COPZ1: variants seen among roughly 807,000 people sequenced by gnomAD.
The protein encoded by COPZ1 is coat protein complex I subunit zeta 1, also known as coatomer subunit zeta-1.
COPZ1 carries 4 observed loss-of-function variants against 31.7 expected under a neutral mutation model. That is an observed-to-expected ratio of 0.13 (90% CI 0.06 to 0.29). The LOEUF is 0.29. Among genes scored for constraint, COPZ1 ranks in the 10% least tolerant of loss-of-function variants. COPZ1 has a pLI of 1.00. For missense variants in COPZ1, 156 were observed against 211.5 expected, an observed-to-expected ratio of 0.74 and a Z score of 1.63; for synonymous variants, 74 against 79.0, an observed-to-expected ratio of 0.94 and a Z score of 0.33.
intron 4 of COPZ1, among the ~76,000 whole-genome samples, chr12:54,344,446 C>T (rs972991171): frequency 1.3e-5 from 2 of 151,992 alleles, no homozygotes; most frequent in Middle Eastern, 3.4e-3. Flanking sequence ...GGGCGTGGTG[C>T]GGGCACCTGT....
intron 8 of COPZ1, chr12:54,350,189 C>G: frequency 1.4e-6 from 1 of 690,560 alleles, no homozygotes; most frequent in Non-Finnish European, 2.6e-6. Flanking sequence ...GCCCCCTGCC[C>G]GCCGCCCCTT....
At chr12:54,346,712 C>T (rs1954071000) in intron 5 of COPZ1, 1 of 699,074 alleles carries the variant, frequency 1.4e-6, no homozygotes, top group Non-Finnish European at 2.6e-6. Flanking sequence ...AAAAATTAGC[C>T]AGGTGTGGTG....
intron 1 of COPZ1, among the ~76,000 whole-genome samples, chr12:54,338,515 A>G (rs1232322713): frequency 2.0e-5 from 3 of 152,250 alleles, no homozygotes; most frequent in South Asian, 4.1e-4. Flanking sequence ...CAGGATGGAC[A>G]TCTCTAAGGA....
At chr12:54,326,673 GTGTGT>G (rs1288321396) in intron 1 of COPZ1, among the ~76,000 whole-genome samples, 2 of 147,832 alleles carry the variant, frequency 1.4e-5, no homozygotes, top group African/African-American at 5.0e-5. Context: ...GTGTGTGTGT[GTGTGT>G]GTAGGTAGGT....
At chr12:54,332,059 C>T (rs1257834877) in intron 1 of COPZ1, among the ~76,000 whole-genome samples, 3 of 152,198 alleles carry the variant, frequency 2.0e-5, no homozygotes, top group African/African-American at 7.2e-5. Flanking sequence ...GGCGCGGTGG[C>T]TCACGCCTGT....
chr12:54,340,678 T>C lies in COPZ1; in HGVS notation c.87+63T>C, dbSNP rs1953958818. On this transcript the variant is annotated intron_variant, in intron 2 of 8. Transcript: ENST00000262061. ...AAGGTTTATTCTGAGATTTGAATCT[T>C]GGGACTGATACCTTATTAACTTATG... 4 of 1,501,110 alleles carry C rather than the reference T, an allele frequency of 2.7e-6. No individual in the cohort carries two copies. The African/African-American group carries it at 4.2e-5, about 16-fold the overall frequency. The allele number at this position is 1,501,110 out of a possible 1,614,324, so 93.0% of individuals were successfully genotyped here. A position where few individuals can be genotyped will look rare whatever the true frequency, so the allele number is the denominator to read the frequency against.
At chr12:54,346,209 G>A (rs985758026) in intron 5 of COPZ1, among the ~76,000 whole-genome samples, 1 of 151,540 alleles carries the variant, frequency 6.6e-6, no homozygotes, top group Non-Finnish European at 1.5e-5. Flanking sequence ...ATAAGGAAGT[G>A]TCCCAGATGA....
In COPZ1 at chr12:54,342,294, C is replaced by T. The variant is rs1953985270; in HGVS notation, c.169+7C>T. On this transcript the variant is annotated splice_region_variant and intron_variant, in intron 3 of 8. Coordinates refer to ENST00000262061, the MANE Select transcript of COPZ1 (RefSeq NM_016057.3). ...AAGACCCATCGGACTGACAGTAGGT[C>T]ATTTTCCTTTCACTACTACCCGTGC... 9.9e-6 allele frequency: 16 copies of T among 1,609,600 alleles called. No homozygotes were observed. The highest frequency in any genetic ancestry group is 2.2e-5 in the South Asian group (2 of 90,996).
At chr12:54,336,315 C>T (rs1159687068) in intron 1 of COPZ1, among the ~76,000 whole-genome samples, 2 of 152,122 alleles carry the variant, frequency 1.3e-5, no homozygotes, top group East Asian at 1.9e-4. Context: ...GAGGCCGAGG[C>T]GGGCGGATCA....
intron 5 of COPZ1, among the ~76,000 whole-genome samples, chr12:54,347,531 G>C (rs1432457016): frequency 6.6e-6 from 1 of 152,192 alleles, no homozygotes; most frequent in Non-Finnish European, 1.5e-5. Flanking sequence ...ATCAACCCCT[G>C]AATAGTCAGA....
Position 54,331,011 on chromosome 12 carries a change from T to G in COPZ1, c.18+5830T>G, listed in dbSNP as rs1217200021. ...CAGAATAGGTTTCCTTACATCAGAT[T>G]ATTAGGGGGATCTCTCCTGGCCTTA... On this transcript the variant is annotated intron_variant, in intron 1 of 8. Coordinates refer to ENST00000262061, the MANE Select transcript of COPZ1 (RefSeq NM_016057.3). Among the ~76,000 whole-genome samples, 4 of 152,230 alleles carry G rather than the reference T, an allele frequency of 2.6e-5. 1 individual carries two copies. In the South Asian group the frequency reaches 8.3e-4, roughly 32 times the overall value.
intron 2 of COPZ1, 132 bp from the exon 3 acceptor site, chr12:54,342,074 C>G (rs1039485506): frequency 1.5e-6 from 1 of 654,652 alleles, no homozygotes; most frequent in African/African-American, 1.8e-5. Flanking sequence ...CCTTCCTTTT[C>G]CATGTCAGTA....
chr12:54,338,127 G>A (rs1028507006), intron 1 of COPZ1, among the ~76,000 whole-genome samples: 6 of 152,178 alleles, frequency 3.9e-5, no homozygotes, highest in African/African-American at 1.2e-4. Context: ...CCAGGTTAAT[G>A]CCCAGCTTAA....
At chr12:54,325,905 A>G (rs7297265) in intron 1 of COPZ1, among the ~76,000 whole-genome samples, 61,453 of 140,580 alleles carry the variant, frequency 0.44, 14,040 homozygotes, top group South Asian at 0.71. Flanking sequence ...TGCAATCTCC[A>G]CCTCCCGGGT....
chr12:54,341,374 T>G (rs961859196), intron 2 of COPZ1, among the ~76,000 whole-genome samples: 1 of 152,144 alleles, frequency 6.6e-6, no homozygotes, highest in African/African-American at 2.4e-5. Context: ...AAGGACACCC[T>G]CTCTCCCTCC....
At chr12:54,337,808 C>G (rs771492512) in intron 1 of COPZ1, among the ~76,000 whole-genome samples, 1 of 152,212 alleles carries the variant, frequency 6.6e-6, no homozygotes, top group Non-Finnish European at 1.5e-5. Flanking sequence ...CTCCAGTAAG[C>G]TCTATGTCAA....
intron 4 of COPZ1, among the ~76,000 whole-genome samples, chr12:54,344,170 G>C (rs1381504095): frequency 6.6e-6 from 1 of 152,198 alleles, no homozygotes; most frequent in African/African-American, 2.4e-5. Context: ...TGAGACATAG[G>C]CCGAACGTGG....
At chr12:54,339,537 G>A (rs919049174) in intron 1 of COPZ1, among the ~76,000 whole-genome samples, 1 of 151,784 alleles carries the variant, frequency 6.6e-6, no homozygotes, top group Non-Finnish European at 1.5e-5. Flanking sequence ...TTGTAGAGAT[G>A]GGGGGTCTCC....
intron 1 of COPZ1, among the ~76,000 whole-genome samples, chr12:54,331,276 G>A (rs1033936029): frequency 6.7e-6 from 1 of 149,602 alleles, no homozygotes; most frequent in Non-Finnish European, 1.5e-5. Flanking sequence ...TGCCTTCCAG[G>A]TTCAAGCGAT....
Sources: allele counts gnomAD v4.1 joint callset (sites outside exome capture counted in the v4.1 genomes callset), GRCh38; gene constraint gnomAD v4.1.1; transcripts MANE v1.5; gene names NCBI Gene and HGNC (gene_info 2026-07-23, HGNC 2026-07-21).